MGRN1: variants seen among roughly 807,000 people sequenced by gnomAD.
The protein encoded by MGRN1 is E3 ubiquitin-protein ligase MGRN1.
A neutral mutation model predicts 69.2 loss-of-function variants in MGRN1; 29 were observed. That is an observed-to-expected ratio of 0.42 (90% CI 0.31 to 0.57). The LOEUF (loss-of-function observed/expected upper bound fraction) is 0.57. MGRN1 is among the 20% of genes least tolerant of loss of function. MGRN1 has a pLI of 0.15. For synonymous variants in MGRN1, 470 were observed against 344.2 expected, an observed-to-expected ratio of 1.37 and a Z score of -4.04; for missense variants, 998 against 796.2, an observed-to-expected ratio of 1.25 and a Z score of -3.05.
chr16:4,689,053 A>G lies in MGRN1; in HGVS notation c.*145A>G, dbSNP rs1198417890. ...GAGGGGCCGTGGTGACTCTTGATCA[A>G]AGAGCACAGTGAACTGTCCCTTCTG... On this transcript the variant is annotated 3_prime_UTR_variant, in exon 17 of 17. Transcript: ENST00000262370. 4.4e-5 allele frequency: 49 copies of G among 1,123,142 alleles called. No individual in the cohort carries two copies. Among genetic ancestry groups the G allele is most frequent in the Non-Finnish European group, 5.7e-5 (47 of 818,982 alleles). The allele number at this position is 1,123,142 out of a possible 1,614,324, so 69.6% of individuals were successfully genotyped here.
At chr16:4,663,519 A>G (rs893977850) in intron 5 of MGRN1, among the ~76,000 whole-genome samples, 3 of 152,110 alleles carry the variant, frequency 2.0e-5, no homozygotes, top group Non-Finnish European at 4.4e-5. Flanking sequence ...TTCATTGAGA[A>G]ATAAATGATT....
At chr16:4,625,616 C>T (rs569721688) in intron 1 of MGRN1, among the ~76,000 whole-genome samples, 1 of 152,246 alleles carries the variant, frequency 6.6e-6, no homozygotes, top group East Asian at 1.9e-4. Context: ...GAGGACCCAG[C>T]CGATACTCGG....
chr16:4,625,139 C>A, intron 1 of MGRN1, 91 bp downstream of exon 1: 2 of 1,204,394 alleles, frequency 1.7e-6, no homozygotes, highest in Non-Finnish European at 2.2e-6. Flanking sequence ...GCGGGGCGCC[C>A]TGCTCGGCCC....
At chr16:4,648,616 G>C (rs111634218) in intron 1 of MGRN1, among the ~76,000 whole-genome samples, 18 of 87,638 alleles carry the variant, frequency 2.1e-4, no homozygotes, top group South Asian at 4.1e-4. Flanking sequence ...GGTCACCCGG[G>C]TCCTCCTCCC....
At chr16:4,646,399 G>A (rs1251745960) in intron 1 of MGRN1, among the ~76,000 whole-genome samples, 5 of 151,904 alleles carry the variant, frequency 3.3e-5, no homozygotes, top group Non-Finnish European at 7.4e-5. Context: ...CTCCAACCTC[G>A]GCGACAGAGC....
At chr16:4,638,464 C>CAAA (rs112029845) in intron 1 of MGRN1, among the ~76,000 whole-genome samples, 7 of 143,518 alleles carry the variant, frequency 4.9e-5, no homozygotes, top group African/African-American at 1.8e-4. Context: ...GAGTCCGTCT[C>CAAA]AAAAAAAAAA....
Position 4,671,441 on chromosome 16 carries a change from G to GAAC in MGRN1, c.781_783dup (p.Asn261dup). On this transcript the variant is annotated inframe_insertion, in exon 9 of 17. Transcript: ENST00000262370. ...AGGAGATCTATGGCATTGAGAACAA[G>GAAC]AACAACCAGGAGACCAAGGTGTGTA... 1 of 1,614,082 alleles carries GAAC rather than the reference G, an allele frequency of 6.2e-7. No individual in the cohort carries two copies. Among genetic ancestry groups the GAAC allele is most frequent in the Non-Finnish European group, 8.5e-7 (1 of 1,179,978 alleles).
intron 5 of MGRN1, among the ~76,000 whole-genome samples, chr16:4,661,302 T>G (rs2078674963): frequency 6.6e-6 from 1 of 152,178 alleles, no homozygotes; most frequent in South Asian, 2.1e-4. Context: ...CTTTCTGATG[T>G]GTGTGGACGT....
chr16:4,650,589 A>G, intron 2 of MGRN1, 106 bp downstream of exon 2: 1 of 870,164 alleles, frequency 1.1e-6, no homozygotes. Flanking sequence ...AATCACCCCT[A>G]AAGGGGGCAG....
intron 16 of MGRN1, chr16:4,687,934 C>G (rs1301744312): frequency 2.0e-6 from 2 of 985,520 alleles, no homozygotes; most frequent in Non-Finnish European, 2.4e-6. Context: ...TTGAAACAGT[C>G]AGCACCTTTC....
intron 1 of MGRN1, among the ~76,000 whole-genome samples, chr16:4,647,177 T>G (rs2078292091): frequency 1.3e-5 from 2 of 152,220 alleles, no homozygotes; most frequent in Admixed American, 1.3e-4. Context: ...GTCCTTCATG[T>G]GGTTTTCATG....
Position 4,682,870 on chromosome 16 carries a change from A to G in MGRN1, c.1406A>G (p.Lys469Arg), listed in dbSNP as rs2079220023. 1.2e-6 allele frequency: 2 copies of G among 1,609,078 alleles called. No individual in the cohort carries two copies. The highest frequency in any genetic ancestry group is 1.7e-6 in the Non-Finnish European group (2 of 1,176,566). ...CCCATCCACGAAGAGGATGAGGAGA[A>G]GCTCTCCGAGGACGTGGACGCCCCT... is the stretch of plus-strand genomic sequence containing the variant. ...SSPIHEEDEE[K>R]LSEDVDAPPP... The change falls in exon 14 of 17, where the codon AAG becomes AGG. Residue 469 changes from lysine (K) to arginine (R), a missense_variant. Coordinates refer to ENST00000262370, the MANE Select transcript of MGRN1 (RefSeq NM_015246.4).
At chr16:4,688,074 G>A (rs914812134) in intron 16 of MGRN1, 92 of 985,516 alleles carry the variant, frequency 9.3e-5, no homozygotes, top group Admixed American at 3.7e-4. Context: ...TGCTCTCGCC[G>A]CGGCCCCCGA....
At chr16:4,672,566 G>T (rs1482764064) in intron 9 of MGRN1, 1 of 418,420 alleles carries the variant, frequency 2.4e-6, no homozygotes, top group Non-Finnish European at 4.8e-6. Flanking sequence ...TTGAGAAAAG[G>T]TTCAGAGAGG....
At chr16:4,661,357 C>T (rs761069472) in intron 5 of MGRN1, among the ~76,000 whole-genome samples, 2 of 152,230 alleles carry the variant, frequency 1.3e-5, no homozygotes, top group Non-Finnish European at 2.9e-5. Context: ...GGCCACCTTT[C>T]GCACCCTTTT....
rs778854640 is a variant in MGRN1 at position 4,673,480 on chromosome 16, A to C, written c.796-18A>C. On this transcript the variant is annotated intron_variant, in intron 9 of 16. Transcript: ENST00000262370. ...GGCCTTTGGGAGGCTGCTGACCCAC[A>C]AGCCCTTGTCCCGGCAGCCCTCGGA... 1 of 1,609,158 alleles carries C rather than the reference A, an allele frequency of 6.2e-7. No homozygotes were observed. Among genetic ancestry groups the C allele is most frequent in the Non-Finnish European group, 8.5e-7 (1 of 1,179,020 alleles).
chr16:4,674,626 C>CTTTTTTTTTTTT (rs71139654), intron 10 of MGRN1, among the ~76,000 whole-genome samples: 101 of 47,268 alleles, frequency 2.1e-3, no homozygotes, highest in South Asian at 4.4e-3. Context: ...CTTTTCTTTT[C>CTTTTTTTTTTTT]TTTTTTTTTT....
intron 11 of MGRN1, among the ~76,000 whole-genome samples, chr16:4,678,359 A>C (rs1482128146): frequency 1.3e-5 from 2 of 152,242 alleles, no homozygotes; most frequent in South Asian, 2.1e-4. Flanking sequence ...AGAGAAACAC[A>C]GAGACAGGGC....
At position 4,650,487 on chromosome 16, in the gene MGRN1, G is replaced by A. The variant is rs1428566409; in HGVS notation, c.207+4G>A. 3 of 1,605,732 alleles carry A rather than the reference G, an allele frequency of 1.9e-6. No individual in the cohort carries two copies. Among genetic ancestry groups the A allele is most frequent in the Non-Finnish European group, 2.6e-6 (3 of 1,174,964 alleles). On this transcript the variant is annotated splice_donor_region_variant and intron_variant, in intron 2 of 16. Coordinates refer to ENST00000262370, the MANE Select transcript of MGRN1 (RefSeq NM_015246.4). Reference sequence around the variant, plus strand: ...CCTGGGCAGCCGCCCGGTCCAGGTGGGTCTGGACAGGGCTGTCTCATGGGG... The same window carrying A: ...CCTGGGCAGCCGCCCGGTCCAGGTGAGTCTGGACAGGGCTGTCTCATGGGG...
Sources: allele counts gnomAD v4.1 joint callset (sites outside exome capture counted in the v4.1 genomes callset), GRCh38; gene constraint gnomAD v4.1.1; transcripts MANE v1.5; gene names NCBI Gene and HGNC (gene_info 2026-07-23, HGNC 2026-07-21).